TTC7B: variants seen among roughly 807,000 people sequenced by gnomAD.
The protein encoded by TTC7B is tetratricopeptide repeat domain 7B.
TTC7B carries 28 observed loss-of-function variants against 106.8 expected under a neutral mutation model. The ratio of observed to expected loss-of-function variants is 0.26; its 90% CI spans 0.19 to 0.36. TTC7B has a LOEUF of 0.36. Ranked by LOEUF, TTC7B falls within the 10% of genes least tolerant of loss-of-function variation. The pLI is 1.00. For missense variants in TTC7B, 862 were observed against 1,076.4 expected, an observed-to-expected ratio of 0.80 and a Z score of 2.79; for synonymous variants, 405 against 430.6, an observed-to-expected ratio of 0.94 and a Z score of 0.74.
chr14:90,736,443 G>C (rs1889532628), intron 4 of TTC7B, among the ~76,000 whole-genome samples: 1 of 151,956 alleles, frequency 6.6e-6, no homozygotes, highest in Non-Finnish European at 1.5e-5. Flanking sequence ...GTAGTGGTGG[G>C]CACCTGTAAT....
chr14:90,759,930 A>G lies in TTC7B; in HGVS notation c.446-15008T>C, dbSNP rs1463539469. Reference sequence around the variant, plus strand: ...GGGAGATAAAGCAGGCAGCTTAGATATGACACAGCCTCAACACCCAACCCA... The same window carrying G: ...GGGAGATAAAGCAGGCAGCTTAGATGTGACACAGCCTCAACACCCAACCCA... On this transcript the variant is annotated intron_variant, in intron 3 of 19. Coordinates refer to ENST00000328459, the MANE Select transcript of TTC7B (RefSeq NM_001010854.2). The surrounding 1 kb of genome is among the most constrained non-coding windows in gnomAD (Gnocchi z 4.1). Among the ~76,000 whole-genome samples, 1 of 152,234 alleles carries G rather than the reference A, an allele frequency of 6.6e-6. No homozygotes were observed. The highest frequency in any genetic ancestry group is 1.5e-5 in the Non-Finnish European group (1 of 68,042).
At chr14:90,603,383 AAC>A (rs1892511938) in intron 17 of TTC7B, 1 of 995,520 alleles carries the variant, frequency 1.0e-6, no homozygotes, top group Admixed American at 2.4e-5. Flanking sequence ...TAAAAAAGCG[AAC>A]AGAGTTCTAA....
chr14:90,682,048 C>T (rs1029918331), intron 7 of TTC7B, among the ~76,000 whole-genome samples: 2 of 152,156 alleles, frequency 1.3e-5, no homozygotes, highest in African/African-American at 4.8e-5. Context: ...CACACCCATG[C>T]CCAGCAATCA....
chr14:90,803,702 C>CA (rs2030415550), intron 1 of TTC7B, among the ~76,000 whole-genome samples: 1 of 143,884 alleles, frequency 7.0e-6, no homozygotes, highest in East Asian at 2.1e-4. Flanking sequence ...AGCCTCCCCC[C>CA]ACATCTACAC....
At chr14:90,542,812 C>T (rs1036843088) in intron 19 of TTC7B, among the ~76,000 whole-genome samples, 23 of 152,298 alleles carry the variant, frequency 1.5e-4, no homozygotes, top group Admixed American at 2.6e-4. Flanking sequence ...ATCAGTGGAA[C>T]GGCCTTGACA....
In TTC7B at chr14:90,751,615, A is replaced by G. The variant is rs534511331; in HGVS notation, c.446-6693T>C. On this transcript the variant is annotated intron_variant, in intron 3 of 19. Coordinates refer to ENST00000328459, the MANE Select transcript of TTC7B (RefSeq NM_001010854.2). ...TATTTTTTATTTTTATTTTTTGTAG[A>G]GACAGTGTCTCACTGTGTTGTCCAA... Among the ~76,000 whole-genome samples, 55 of 151,566 alleles carry G rather than the reference A, an allele frequency of 3.6e-4. 1 individual carries two copies. Among genetic ancestry groups the G allele is most frequent in the African/African-American group, 1.3e-3 (54 of 41,348 alleles).
intron 7 of TTC7B, among the ~76,000 whole-genome samples, chr14:90,681,680 G>T (rs1887053767): frequency 6.6e-6 from 1 of 152,316 alleles, no homozygotes; most frequent in Middle Eastern, 3.4e-3. Context: ...TTCTTCTGAG[G>T]CTAAAATTTT....
At chr14:90,717,901 C>T (rs1376932508) in intron 5 of TTC7B, among the ~76,000 whole-genome samples, 1 of 152,176 alleles carries the variant, frequency 6.6e-6, no homozygotes, top group African/African-American at 2.4e-5. Flanking sequence ...ACATCTGGAC[C>T]CCCTCTGTGA....
intron 6 of TTC7B, among the ~76,000 whole-genome samples, chr14:90,691,198 C>G (rs72693589): frequency 2.5e-4 from 38 of 152,134 alleles, no homozygotes; most frequent in African/African-American, 9.2e-4. Flanking sequence ...AAAAAATGAA[C>G]GAGGAATTTC....
intron 19 of TTC7B, among the ~76,000 whole-genome samples, chr14:90,563,213 A>AGTAAACGTGATGCTTAAAG (rs1890658208): frequency 2.0e-5 from 3 of 152,218 alleles, no homozygotes; most frequent in Non-Finnish European, 2.9e-5. Flanking sequence ...CTGGTGACTG[A>AGTAAACGTGATGCTTAAAG]GTAAACGTGA....
At chr14:90,702,429 T>C (rs747753069) in intron 5 of TTC7B, among the ~76,000 whole-genome samples, 6 of 152,204 alleles carry the variant, frequency 3.9e-5, no homozygotes, top group Admixed American at 3.9e-4. Flanking sequence ...ATCCACCTCA[T>C]TGATTTGTTG....
At chr14:90,774,544 C>A (rs1247976408) in intron 3 of TTC7B, among the ~76,000 whole-genome samples, 7 of 152,206 alleles carry the variant, frequency 4.6e-5, no homozygotes, top group Non-Finnish European at 8.8e-5. Flanking sequence ...GCCCCCTCCA[C>A]CCCCTCTGTG....
chr14:90,621,148 G>A (rs368770859), intron 15 of TTC7B, among the ~76,000 whole-genome samples: 14 of 151,472 alleles, frequency 9.2e-5, no homozygotes, highest in Admixed American at 6.6e-4. Flanking sequence ...CGGCTGGGAC[G>A]ATAGGCAGAA....
rs1156413745 is a variant in TTC7B, at chr14:90,577,350, A to C, written c.2310+756T>G. On this transcript the variant is annotated intron_variant, in intron 19 of 19. Transcript: ENST00000328459. This position sits in a 1 kb window ranked among gnomAD's most constrained non-coding sequence, Gnocchi z 5.0. ...GAGGCAGCTGCACTAACACACGTTC[A>C]TAACGGACAGAACCCTCCTGAGCGA... Among the ~76,000 whole-genome samples, 1 of 152,232 alleles carries C rather than the reference A, an allele frequency of 6.6e-6. No homozygotes were observed. The highest frequency in any genetic ancestry group is 1.5e-5 in the Non-Finnish European group (1 of 68,032).
chr14:90,741,323 C>T (rs138272725), intron 4 of TTC7B, among the ~76,000 whole-genome samples: 1 of 152,160 alleles, frequency 6.6e-6, no homozygotes, highest in Non-Finnish European at 1.5e-5. Flanking sequence ...TCACTGGTCA[C>T]GACACTCCTA....
chr14:90,714,187 G>A (rs563802563), intron 5 of TTC7B, among the ~76,000 whole-genome samples: 15 of 151,384 alleles, frequency 9.9e-5, no homozygotes, highest in South Asian at 4.2e-4. Context: ...CCGAGATCAC[G>A]TCATCACACT....
chr14:90,778,321 C>A (rs1374010463), intron 3 of TTC7B, among the ~76,000 whole-genome samples: 1 of 152,194 alleles, frequency 6.6e-6, no homozygotes, highest in African/African-American at 2.4e-5. Context: ...GGGCCAGGCT[C>A]GGGGCCCAAG....
At chr14:90,706,657 G>A (rs1051201467) in intron 5 of TTC7B, among the ~76,000 whole-genome samples, 13 of 152,070 alleles carry the variant, frequency 8.5e-5, no homozygotes, top group African/African-American at 2.9e-4. Flanking sequence ...TCCTATATTT[G>A]ACCCGAGTCC....
chr14:90,571,983 G>A (rs1205545958), intron 19 of TTC7B, among the ~76,000 whole-genome samples: 1 of 152,150 alleles, frequency 6.6e-6, no homozygotes, highest in Non-Finnish European at 1.5e-5. Flanking sequence ...TCCTCCCACA[G>A]GGACACAAAC....
Sources: allele counts gnomAD v4.1 joint callset (sites outside exome capture counted in the v4.1 genomes callset), GRCh38; gene constraint gnomAD v4.1.1; non-coding constraint Gnocchi (gnomAD v3.1); transcripts MANE v1.5; gene names NCBI Gene and HGNC (gene_info 2026-07-23, HGNC 2026-07-21).